The following NRXN3 variants were observed in gnomAD, a reference collection of about 807,000 sequenced individuals.
NRXN3 encodes neurexin III.
Under a neutral mutation model 137.6 loss-of-function variants are expected in NRXN3, and 32 were observed. The ratio of observed to expected loss-of-function variants is 0.23; its 90% CI spans 0.18 to 0.31. NRXN3 has a LOEUF of 0.31. Ranked by LOEUF, NRXN3 falls within the 10% of genes least tolerant of loss-of-function variation. The pLI, the probability that NRXN3 is intolerant of heterozygous loss-of-function variation, is 1.00. For missense variants in NRXN3, 1,574 were observed against 2,062.5 expected (o/e 0.76, Z 4.59); for synonymous variants, 798 against 784.5 (o/e 1.02, Z -0.29).
At chr14:79,131,382 G>T (rs1596312389) in intron 15 of NRXN3, among the ~76,000 whole-genome samples, 1 of 152,020 alleles carries the variant, frequency 6.6e-6, no homozygotes. Flanking sequence ...CTGTTTGTTA[G>T]TTTTCCTTCT....
At chr14:78,241,646 G>A (rs1271494582) in intron 1 of NRXN3, among the ~76,000 whole-genome samples, 1 of 151,824 alleles carries the variant, frequency 6.6e-6, no homozygotes, top group Non-Finnish European at 1.5e-5. Flanking sequence ...CTTATGCTAG[G>A]ATCTTCCTAT....
At chr14:78,895,110 C>A (rs753567532) in intron 10 of NRXN3, among the ~76,000 whole-genome samples, 2 of 151,772 alleles carry the variant, frequency 1.3e-5, no homozygotes, top group Non-Finnish European at 2.9e-5. Context: ...TAGCCCCCAA[C>A]AATATAGTCA....
chr14:78,570,756 A>G (rs1303328704), intron 4 of NRXN3, among the ~76,000 whole-genome samples: 1 of 152,208 alleles, frequency 6.6e-6, no homozygotes, highest in Non-Finnish European at 1.5e-5. Context: ...GTAATTTACA[A>G]TTTGATTAAG....
At chr14:79,853,129 T>C (rs2099395342) in intron 20 of NRXN3, among the ~76,000 whole-genome samples, 1 of 152,132 alleles carries the variant, frequency 6.6e-6, no homozygotes, top group Non-Finnish European at 1.5e-5. Flanking sequence ...CATTTCTCTA[T>C]AGAGAAGTAA....
chr14:78,314,877 CG>C (rs386419508), intron 4 of NRXN3, among the ~76,000 whole-genome samples: 12,462 of 80,536 alleles, frequency 0.15, 1,009 homozygotes, highest in Non-Finnish European at 0.17. Flanking sequence ...TTTTCTTTTC[CG>C]TTCTTTCTTT....
At chr14:78,731,607 A>G (rs900693104) in intron 8 of NRXN3, among the ~76,000 whole-genome samples, 7 of 148,838 alleles carry the variant, frequency 4.7e-5, no homozygotes, top group African/African-American at 1.5e-4. Flanking sequence ...GTATATATAT[A>G]TGTGTGTGTG....
At chr14:79,586,629 C>T (rs746998272) in intron 16 of NRXN3, among the ~76,000 whole-genome samples, 21 of 152,180 alleles carry the variant, frequency 1.4e-4, no homozygotes, top group Non-Finnish European at 2.8e-4. Context: ...GCCACCGCGC[C>T]AGGCCCTAAA....
At chr14:79,794,728 C>T (rs1726628602) in intron 19 of NRXN3, among the ~76,000 whole-genome samples, 1 of 152,180 alleles carries the variant, frequency 6.6e-6, no homozygotes, top group African/African-American at 2.4e-5. Flanking sequence ...GAAGACAGTA[C>T]CAACCTCCCA....
intron 4 of NRXN3, among the ~76,000 whole-genome samples, chr14:78,534,387 C>T (rs2096509812): frequency 6.6e-6 from 1 of 152,130 alleles, no homozygotes; most frequent in Non-Finnish European, 1.5e-5. Context: ...GAGGGCCACA[C>T]TGAATTTTTG....
At chr14:78,267,370 A>G (rs985608199) in intron 2 of NRXN3, among the ~76,000 whole-genome samples, 5 of 151,926 alleles carry the variant, frequency 3.3e-5, no homozygotes, top group African/African-American at 1.2e-4. Flanking sequence ...CCATCTGCCC[A>G]TGGGCCCATA....
At chr14:78,574,510 TAGACAC>T (rs1327471897) in intron 4 of NRXN3, among the ~76,000 whole-genome samples, 3 of 152,222 alleles carry the variant, frequency 2.0e-5, no homozygotes, top group Non-Finnish European at 4.4e-5. Context: ...CCCTGGATGT[TAGACAC>T]AGAGTCAAAG....
At chr14:78,804,454 G>A (rs980749398) in intron 9 of NRXN3, among the ~76,000 whole-genome samples, 1 of 152,104 alleles carries the variant, frequency 6.6e-6, no homozygotes, top group Admixed American at 6.5e-5. Context: ...CTCCTGATAC[G>A]TATACCCATT....
chr14:78,674,241 C>A (rs1340771270), intron 6 of NRXN3, among the ~76,000 whole-genome samples: 1 of 152,162 alleles, frequency 6.6e-6, no homozygotes, highest in East Asian at 1.9e-4. Flanking sequence ...CTGAGATAAT[C>A]AAAGCCTCTT....
At chr14:78,828,580 G>T (rs945906586) in intron 10 of NRXN3, among the ~76,000 whole-genome samples, 3 of 152,162 alleles carry the variant, frequency 2.0e-5, no homozygotes, top group Non-Finnish European at 4.4e-5. Flanking sequence ...TAAAACAAGT[G>T]GTAGGACAGA....
intron 20 of NRXN3, among the ~76,000 whole-genome samples, chr14:79,811,457 G>A (rs1020192643): frequency 3.9e-5 from 6 of 151,932 alleles, no homozygotes; most frequent in African/African-American, 7.2e-5. Context: ...TTTTTCAACC[G>A]CCTTCATTGA....
rs142990457 is a variant in NRXN3, at chr14:79,263,688, G to T, written c.3263-203533G>T. On this transcript the variant is annotated intron_variant, in intron 15 of 20. Transcript: ENST00000335750. ...TGGTTCTTCAACATTTCTGGGTCACGAAGTTCTTTAAAAATATAAAGAAAT... is the reference window on the plus strand; with the variant it reads ...TGGTTCTTCAACATTTCTGGGTCACTAAGTTCTTTAAAAATATAAAGAAAT... 3.8e-3 allele frequency among the ~76,000 whole-genome samples: 580 copies of T among 152,200 alleles called. 7 individuals carry two copies. Among genetic ancestry groups the T allele is most frequent in the African/African-American group, 0.012 (515 of 41,530 alleles).
At chr14:78,672,919 AT>A (rs2097952397) in intron 6 of NRXN3, among the ~76,000 whole-genome samples, 1 of 152,154 alleles carries the variant, frequency 6.6e-6, no homozygotes, top group African/African-American at 2.4e-5. Flanking sequence ...CTACTCTGTG[AT>A]TTTTGCTAGC....
chr14:79,724,300 T>C (rs189590268), intron 19 of NRXN3, among the ~76,000 whole-genome samples: 4 of 152,264 alleles, frequency 2.6e-5, no homozygotes, highest in Admixed American at 2.6e-4. Flanking sequence ...GCTACATTTT[T>C]AGTGGTATCC....
In NRXN3 at chr14:79,313,929, C is replaced by G. The variant is rs1221295953; in HGVS notation, c.3263-153292C>G. 8 of 143,318 alleles carry G rather than the reference C, an allele frequency of 5.6e-5. No homozygotes were observed. The Admixed American group carries it at 5.6e-4, about 10-fold the overall frequency. The allele number at this position is 143,318 out of a possible 1,614,324, so 8.9% of individuals were successfully genotyped here. On this transcript the variant is annotated intron_variant, in intron 15 of 20. Coordinates refer to ENST00000335750, the MANE Select transcript of NRXN3 (RefSeq NM_001330195.2). ...ATTTGATCGTCTGAAGCCTTCTTCT[C>G]TCAGCTCGTCAAAATCATTCTCCAT...
Sources: allele counts gnomAD v4.1 joint callset (sites outside exome capture counted in the v4.1 genomes callset), GRCh38; gene constraint gnomAD v4.1.1; transcripts MANE v1.5; gene names NCBI Gene and HGNC (gene_info 2026-07-23, HGNC 2026-07-21).